The following DOK6 variants were observed in gnomAD, a reference collection of about 807,000 sequenced individuals.
DOK6 encodes the protein downstream of tyrosine kinase 6.
In DOK6, 22 loss-of-function variants were observed where a neutral mutation model predicts 44.0. The ratio of observed to expected loss-of-function variants is 0.50; its 90% CI spans 0.36 to 0.71. The LOEUF is 0.71. DOK6 is among the 30% of genes least tolerant of loss of function. DOK6 has a pLI of 0.00. For synonymous variants in DOK6, 166 were observed against 145.5 expected, an observed-to-expected ratio of 1.14 and a Z score of -1.01; for missense variants, 340 against 416.4, an observed-to-expected ratio of 0.82 and a Z score of 1.60.
intron 1 of DOK6, among the ~76,000 whole-genome samples, chr18:69,521,674 T>C (rs1373387223): frequency 6.6e-6 from 1 of 151,962 alleles, no homozygotes; most frequent in East Asian, 1.9e-4. Flanking sequence ...AGAATATCTG[T>C]CCATTATTTG....
intron 2 of DOK6, among the ~76,000 whole-genome samples, chr18:69,579,088 T>C (rs1983304601): frequency 1.3e-5 from 2 of 152,180 alleles, no homozygotes; most frequent in Admixed American, 6.5e-5. Flanking sequence ...CCTAGGGAAC[T>C]GGGGGTTTTG....
intron 4 of DOK6, among the ~76,000 whole-genome samples, chr18:69,696,590 C>T (rs1986394475): frequency 6.6e-6 from 1 of 152,138 alleles, no homozygotes; most frequent in East Asian, 1.9e-4. Flanking sequence ...CAACAGGTAC[C>T]ACTGACATAT....
intron 7 of DOK6, among the ~76,000 whole-genome samples, chr18:69,770,023 A>G (rs1367573603): frequency 6.6e-6 from 1 of 152,170 alleles, no homozygotes; most frequent in Non-Finnish European, 1.5e-5. Context: ...TATGAACAAG[A>G]TATTATGCTA....
chr18:69,565,930 A>G (rs947864307), intron 2 of DOK6, among the ~76,000 whole-genome samples: 1 of 152,198 alleles, frequency 6.6e-6, no homozygotes, highest in Non-Finnish European at 1.5e-5. Context: ...TTTGGCAATA[A>G]AGTGAAACCT....
chr18:69,828,872 A>G (rs951437127), intron 7 of DOK6, among the ~76,000 whole-genome samples: 1 of 121,050 alleles, frequency 8.3e-6, no homozygotes, highest in Non-Finnish European at 1.8e-5. Context: ...ATTAATAGCA[A>G]TACATTTATG....
chr18:69,656,422 A>C lies in DOK6; in HGVS notation c.290-21312A>C, dbSNP rs72634411. 0.014 allele frequency among the ~76,000 whole-genome samples: 2,190 copies of C among 152,266 alleles called. 103 individuals are homozygous for C. In the East Asian group the frequency reaches 0.19, roughly 13 times the overall value. ...TATCACAAAGTGGTTTAGAGTATAG[A>C]TGTTCTAGTCAGCGTGCTGTGTGAC... On this transcript the variant is annotated intron_variant, in intron 3 of 7. Coordinates refer to ENST00000382713, the MANE Select transcript of DOK6 (RefSeq NM_152721.6).
chr18:69,550,545 C>T (rs959000713), intron 1 of DOK6, among the ~76,000 whole-genome samples: 7 of 152,220 alleles, frequency 4.6e-5, no homozygotes, highest in African/African-American at 1.7e-4. Context: ...ATCATTTACA[C>T]ATGGAACCTT....
chr18:69,650,923 A>G (rs73463973), intron 3 of DOK6, among the ~76,000 whole-genome samples: 15,916 of 152,230 alleles, frequency 0.1, 969 homozygotes, highest in Admixed American at 0.17. Context: ...TCATTGCAGC[A>G]TCTAAATGCC....
At chr18:69,479,794 GC>G (rs1980368884) in intron 1 of DOK6, among the ~76,000 whole-genome samples, 1 of 152,120 alleles carries the variant, frequency 6.6e-6, no homozygotes, top group Non-Finnish European at 1.5e-5. Context: ...AAATAATTGA[GC>G]AAATTGCTTA....
chr18:69,608,821 G>C (rs1431107071), intron 3 of DOK6, among the ~76,000 whole-genome samples: 3 of 151,740 alleles, frequency 2.0e-5, no homozygotes, highest in Admixed American at 6.6e-5. Context: ...GTGGTGGCAG[G>C]CGCCTATAAT....
At chr18:69,480,568 C>G (rs1346615217) in intron 1 of DOK6, among the ~76,000 whole-genome samples, 1 of 152,084 alleles carries the variant, frequency 6.6e-6, no homozygotes, top group African/African-American at 2.4e-5. Flanking sequence ...CATAAAACTA[C>G]CTACCCCTAG....
rs1251897101 is a variant in DOK6 at position 69,842,111 on chromosome 18, T to G, written c.*728T>G. On this transcript the variant is annotated 3_prime_UTR_variant, in exon 8 of 8. Transcript: ENST00000382713. ...TGGTGCATTAAAGTTAAGATTGTTA[T>G]GTTGAATAGCTATTTTTAAAATAGT... The G allele has an allele frequency of 6.7e-6, 1 of 148,970 alleles. No homozygotes were observed. The allele number at this position is 148,970 out of a possible 1,614,324, so 9.2% of individuals were successfully genotyped here.
chr18:69,784,957 C>G (rs903603071), intron 7 of DOK6, among the ~76,000 whole-genome samples: 12 of 152,132 alleles, frequency 7.9e-5, no homozygotes, highest in African/African-American at 2.9e-4. Context: ...TAACCTGATT[C>G]CATAAACACT....
At chr18:69,731,642 A>AT (rs11440113) in intron 5 of DOK6, among the ~76,000 whole-genome samples, 16,945 of 152,236 alleles carry the variant, frequency 0.11, 951 homozygotes, top group Middle Eastern at 0.17. Context: ...ATTACACATG[A>AT]TTACACATGT....
intron 6 of DOK6, among the ~76,000 whole-genome samples, chr18:69,747,080 G>A (rs1979009057): frequency 6.6e-6 from 1 of 152,178 alleles, no homozygotes; most frequent in African/African-American, 2.4e-5. Flanking sequence ...TGTCTGTAAA[G>A]TTCAGATGGC....
chr18:69,402,096 G>A (rs1471309701), intron 1 of DOK6, among the ~76,000 whole-genome samples: 2 of 152,168 alleles, frequency 1.3e-5, no homozygotes, highest in Non-Finnish European at 2.9e-5. Context: ...CACCTGGGCG[G>A]GAGCAGCCTA....
chr18:69,576,820 C>A (rs1250974932), intron 2 of DOK6, among the ~76,000 whole-genome samples: 1 of 152,050 alleles, frequency 6.6e-6, no homozygotes, highest in Non-Finnish European at 1.5e-5. Context: ...GAGCAATTTA[C>A]ATAGAATCAG....
chr18:69,818,168 G>A (rs1234677885), intron 7 of DOK6, among the ~76,000 whole-genome samples: 1 of 152,114 alleles, frequency 6.6e-6, no homozygotes, highest in Non-Finnish European at 1.5e-5. Flanking sequence ...AAGCATCCCT[G>A]GCCTGCGAAC....
chr18:69,470,805 G>C (rs1980077946), intron 1 of DOK6, among the ~76,000 whole-genome samples: 1 of 152,110 alleles, frequency 6.6e-6, no homozygotes, highest in Admixed American at 6.5e-5. Flanking sequence ...ATTTTCATTC[G>C]CTCAACATGT....
Sources: gnomAD v4.1 joint callset for allele counts (sites outside exome capture counted in the v4.1 genomes callset) on GRCh38, gnomAD v4.1.1 for gene constraint, MANE v1.5 for transcripts, NCBI Gene and HGNC (gene_info 2026-07-23, HGNC 2026-07-21) for gene names.